The following MNAT1 variants were observed in gnomAD, a reference collection of about 807,000 sequenced individuals.
The protein encoded by MNAT1 is MNAT1 component of CDK activating kinase.
In MNAT1, 43 loss-of-function variants were observed where a neutral mutation model predicts 42.0. That is an observed-to-expected ratio of 1.02 (90% confidence interval 0.80 to 1.32). The LOEUF is 1.32. Ranked by LOEUF, MNAT1 falls within the 40% of genes most tolerant of loss-of-function variation. The pLI is 0.00. For synonymous variants in MNAT1, 118 were observed against 120.0 expected, an observed-to-expected ratio of 0.98 and a Z score of 0.11; for missense variants, 306 against 350.4, an observed-to-expected ratio of 0.87 and a Z score of 1.01.
chr14:60,778,829 G>T (rs2031344165), intron 1 of MNAT1, among the ~76,000 whole-genome samples: 2 of 152,104 alleles, frequency 1.3e-5, no homozygotes, highest in African/African-American at 4.8e-5. Context: ...GCCATCATAT[G>T]GATATTCATT....
At chr14:60,857,124 G>T (rs902382303) in intron 6 of MNAT1, among the ~76,000 whole-genome samples, 1 of 152,202 alleles carries the variant, frequency 6.6e-6, no homozygotes, top group Non-Finnish European at 1.5e-5. Context: ...CCAGTGTTGA[G>T]ACCTACTCTT....
At chr14:60,909,353 T>C (rs572371018) in intron 7 of MNAT1, among the ~76,000 whole-genome samples, 9 of 152,296 alleles carry the variant, frequency 5.9e-5, no homozygotes, top group South Asian at 2.1e-4. Context: ...CAATTTTGGC[T>C]TTTGTTGCCA....
chr14:60,831,421 T>C (rs1366583390), intron 6 of MNAT1, among the ~76,000 whole-genome samples: 1 of 152,140 alleles, frequency 6.6e-6, no homozygotes, highest in Non-Finnish European at 1.5e-5. Context: ...AGTGAGAACA[T>C]GTGGTGTTTA....
intron 7 of MNAT1, among the ~76,000 whole-genome samples, chr14:60,931,819 C>T (rs2139570920): frequency 6.6e-6 from 1 of 151,672 alleles, no homozygotes; most frequent in African/African-American, 2.4e-5. Context: ...GCTTAATTGT[C>T]AAGGTAGAAG....
chr14:60,913,013 CTTT>C (rs1021163457), intron 7 of MNAT1, among the ~76,000 whole-genome samples: 1 of 152,112 alleles, frequency 6.6e-6, no homozygotes, highest in Non-Finnish European at 1.5e-5. Flanking sequence ...TTCTTGGAGG[CTTT>C]GTTTGTTTCT....
chr14:60,892,064 A>G (rs970304772), intron 7 of MNAT1, among the ~76,000 whole-genome samples: 3 of 152,176 alleles, frequency 2.0e-5, no homozygotes, highest in East Asian at 1.9e-4. Flanking sequence ...ATTATGGCCT[A>G]AAATATGGCC....
In MNAT1 at chr14:60,863,006, A is replaced by T. The variant is rs1212181086; in HGVS notation, c.688-16708A>T. On this transcript the variant is annotated intron_variant, in intron 6 of 7. Coordinates refer to ENST00000261245, the MANE Select transcript of MNAT1 (RefSeq NM_002431.4). ...ATAAAAATATGGGTGTAATCTGGAAAATGTCTCTACAAGTCATATTTATCT... is the reference window on the plus strand; with the variant it reads ...ATAAAAATATGGGTGTAATCTGGAATATGTCTCTACAAGTCATATTTATCT... Among the ~76,000 whole-genome samples, 3 of 152,092 alleles carry T rather than the reference A, an allele frequency of 2.0e-5. No individual in the cohort carries two copies. The East Asian group carries it at 5.8e-4, about 29-fold the overall frequency.
At position 60,744,407 on chromosome 14, in the gene MNAT1, C is replaced by T. The variant is rs148630249; in HGVS notation, c.89+9456C>T. 5.2e-3 allele frequency among the ~76,000 whole-genome samples: 783 copies of T among 151,786 alleles called. 14 individuals are homozygous for T. The highest frequency in any genetic ancestry group is 0.018 in the African/African-American group (735 of 41,370). On this transcript the variant is annotated intron_variant, in intron 1 of 7. Coordinates refer to ENST00000261245, the MANE Select transcript of MNAT1 (RefSeq NM_002431.4). ...TCGGCCTCCCAAAGTGCGGGGATTA[C>T]AGGTGTGAGCCATCACGCCCAGCCA...
intron 6 of MNAT1, among the ~76,000 whole-genome samples, chr14:60,824,082 G>T (rs1455688644): frequency 1.3e-5 from 2 of 152,100 alleles, no homozygotes; most frequent in Non-Finnish European, 2.9e-5. Context: ...GCTTGAACCA[G>T]GGCGGCAGAG....
intron 6 of MNAT1, among the ~76,000 whole-genome samples, chr14:60,868,078 A>G (rs907999982): frequency 6.6e-6 from 1 of 152,128 alleles, no homozygotes; most frequent in Admixed American, 6.6e-5. Context: ...ATTGAAAACA[A>G]CTGAATTACC....
In MNAT1 at chr14:60,742,332, C is replaced by T. The variant is rs1896496729; in HGVS notation, c.89+7381C>T. Reference sequence around the variant, plus strand: ...CAAACTCCTGGCCTCAAGTGATCTACCCACCTCAGCCTCCCAAAGTTCTGG... The same window carrying T: ...CAAACTCCTGGCCTCAAGTGATCTATCCACCTCAGCCTCCCAAAGTTCTGG... On this transcript the variant is annotated intron_variant, in intron 1 of 7. Transcript: ENST00000261245. 2.0e-5 allele frequency among the ~76,000 whole-genome samples: 3 copies of T among 152,234 alleles called. No homozygotes were observed. In the South Asian group the frequency reaches 6.2e-4, roughly 32 times the overall value.
At chr14:60,884,791 T>C (rs1282569701) in intron 7 of MNAT1, among the ~76,000 whole-genome samples, 1 of 152,080 alleles carries the variant, frequency 6.6e-6, no homozygotes, top group Non-Finnish European at 1.5e-5. Context: ...TACCAGTGAA[T>C]TTTGTACCTT....
intron 1 of MNAT1, among the ~76,000 whole-genome samples, chr14:60,735,957 A>G (rs1222867516): frequency 6.6e-6 from 1 of 152,232 alleles, no homozygotes; most frequent in Non-Finnish European, 1.5e-5. Flanking sequence ...CAACCCCCCA[A>G]GTGCTGACAA....
chr14:60,939,989 G>A (rs567400880), intron 7 of MNAT1, among the ~76,000 whole-genome samples: 7 of 152,230 alleles, frequency 4.6e-5, no homozygotes, highest in African/African-American at 1.7e-4. Context: ...TTATGTAATG[G>A]CCTTCTTTGT....
intron 1 of MNAT1, among the ~76,000 whole-genome samples, chr14:60,746,450 G>T (rs962774005): frequency 6.6e-6 from 1 of 151,688 alleles, no homozygotes; most frequent in Non-Finnish European, 1.5e-5. Context: ...GGGAGGTGGA[G>T]GTTGCAGTGA....
intron 1 of MNAT1, among the ~76,000 whole-genome samples, chr14:60,743,322 T>C (rs1896526094): frequency 6.6e-6 from 1 of 151,900 alleles, no homozygotes; most frequent in Non-Finnish European, 1.5e-5. Flanking sequence ...GGAGTCTTGC[T>C]CTGTCGCCCA....
chr14:60,945,824 C>T (rs2036261651), intron 7 of MNAT1, among the ~76,000 whole-genome samples: 1 of 152,176 alleles, frequency 6.6e-6, no homozygotes, highest in Non-Finnish European at 1.5e-5. Flanking sequence ...GGCTTCTTCT[C>T]TCACATCCCA....
intron 6 of MNAT1, among the ~76,000 whole-genome samples, chr14:60,827,557 T>G (rs966194918): frequency 2.6e-5 from 4 of 152,218 alleles, no homozygotes; most frequent in Non-Finnish European, 2.9e-5. Flanking sequence ...GCCATAAGTT[T>G]GTGCCAAACA....
At chr14:60,932,807 A>G (rs1420796758) in intron 7 of MNAT1, among the ~76,000 whole-genome samples, 1 of 152,036 alleles carries the variant, frequency 6.6e-6, no homozygotes, top group Admixed American at 6.6e-5. Context: ...GAATAGCTAA[A>G]TATCAGTGTT....
Sources: gnomAD v4.1 joint callset for allele counts (sites outside exome capture counted in the v4.1 genomes callset) on GRCh38, gnomAD v4.1.1 for gene constraint, MANE v1.5 for transcripts, NCBI Gene and HGNC (gene_info 2026-07-23, HGNC 2026-07-21) for gene names.